The following UBE3B variants were observed in gnomAD, a reference collection of about 807,000 sequenced individuals.
UBE3B encodes the protein ubiquitin-protein ligase E3B.
In UBE3B, 80 loss-of-function variants were observed where a neutral mutation model predicts 132.3. That is an observed-to-expected ratio of 0.60 (90% CI 0.50 to 0.73). The LOEUF is 0.73. UBE3B is among the 30% of genes least tolerant of loss of function. The pLI, the probability that UBE3B is intolerant of heterozygous loss-of-function variation, is 0.00. For missense variants in UBE3B, 1,196 were observed against 1,362.5 expected (o/e 0.88, Z 1.92); for synonymous variants, 487 against 520.4 (o/e 0.94, Z 0.87).
In UBE3B at chr12:109,521,718, T is replaced by A. The variant is rs1339140304; in HGVS notation, c.2364+167T>A. Among the ~76,000 whole-genome samples the A allele has an allele frequency of 6.6e-6, 1 of 152,244 alleles. No individual in the cohort carries two copies. Among genetic ancestry groups the A allele is most frequent in the Non-Finnish European group, 1.5e-5 (1 of 68,036 alleles). ...TGTTGTACACCAGTGCTAGGTACTT[T>A]GCCTGTGGCATCTCATCTCATCCCA... On this transcript the variant is annotated intron_variant, in intron 21 of 27. Coordinates refer to ENST00000342494, the MANE Select transcript of UBE3B (RefSeq NM_130466.4). The surrounding 1 kb of genome is among the most constrained non-coding windows in gnomAD (Gnocchi z 4.2).
At chr12:109,490,047 C>G in intron 8 of UBE3B, 43 bp downstream of exon 8, 2 of 1,568,490 alleles carry the variant, frequency 1.3e-6, no homozygotes, top group Non-Finnish European at 1.8e-6. Context: ...CTCCACTCTC[C>G]AACACCTGCA....
chr12:109,526,324 C>G (rs1267903497), intron 23 of UBE3B, 34 bp from the exon 24 acceptor site: 1 of 1,609,722 alleles, frequency 6.2e-7, no homozygotes, highest in Admixed American at 1.7e-5. Flanking sequence ...CCATTAGAGT[C>G]CTCCCTATTA....
rs539524264 is a variant in UBE3B at position 109,504,643 on chromosome 12, A to C, written c.1450+1453A>C. Among the ~76,000 whole-genome samples the C allele has an allele frequency of 2.0e-5, 3 of 152,232 alleles. No individual in the cohort carries two copies. The South Asian group carries it at 6.2e-4, about 32-fold the overall frequency. The stretch of plus-strand genomic sequence containing the variant: ...GGTGACACTCTGGGAGCATCAGCTG[A>C]GGGATGGAGTGTAAAGCCATGGGCT... On this transcript the variant is annotated intron_variant, in intron 14 of 27. Coordinates refer to ENST00000342494, the MANE Select transcript of UBE3B (RefSeq NM_130466.4).
At chr12:109,525,148 C>T (rs1291619765) in intron 23 of UBE3B, among the ~76,000 whole-genome samples, 2 of 152,182 alleles carry the variant, frequency 1.3e-5, no homozygotes, top group Admixed American at 1.3e-4. Flanking sequence ...CCCTGAGCCA[C>T]ACTTTCCATA....
chr12:109,543,996 G>A, the UBE3B span, among the ~76,000 whole-genome samples: 1 of 152,082 alleles, frequency 6.6e-6, no homozygotes, highest in African/African-American at 2.4e-5. Context: ...AGGGGGTGTC[G>A]GCCTCTGTCT....
Position 109,486,503 on chromosome 12 carries a change from C to G in UBE3B, c.375C>G (p.Asp125Glu). ...ATGTGTCCCTGGCTTGTTCTAAGGA[C>G]CTCACCCTCCTTTGGATTCAACAGA... The part of the protein sequence containing the change: ...VWYVSLACSK[D>E]LTLLWIQQIK... The change falls in exon 6 of 28, where the codon GAC becomes GAG. Residue 125 changes from aspartate (D) to glutamate (E), a missense_variant. Physicochemically the swap from Asp to Glu is conservative, Grantham distance 45 (BLOSUM62 2). Transcript: ENST00000342494. The G allele has an allele frequency of 6.2e-7, 1 of 1,605,544 alleles. No homozygotes were observed. Among genetic ancestry groups the G allele is most frequent in the Admixed American group, 1.7e-5 (1 of 59,374 alleles).
intron 11 of UBE3B, among the ~76,000 whole-genome samples, chr12:109,499,279 T>C (rs750988480): frequency 2.6e-5 from 4 of 152,226 alleles, no homozygotes; most frequent in Non-Finnish European, 4.4e-5. Context: ...TATTAAAATG[T>C]AACACTAACT....
At chr12:109,493,669 A>G (rs796068500) in intron 9 of UBE3B, among the ~76,000 whole-genome samples, 9 of 152,364 alleles carry the variant, frequency 5.9e-5, no homozygotes, top group African/African-American at 2.2e-4. Context: ...TGGTTTCATC[A>G]TATAGGAATA....
At chr12:109,507,388 T>C (rs1165943329) in intron 14 of UBE3B, among the ~76,000 whole-genome samples, 176 bp from the exon 15 acceptor site, 2 of 152,246 alleles carry the variant, frequency 1.3e-5, no homozygotes, top group African/African-American at 4.8e-5. Flanking sequence ...GACTACTGGC[T>C]CTTATCATTG....
At chr12:109,493,391 G>A (rs1473994359) in intron 9 of UBE3B, among the ~76,000 whole-genome samples, 1 of 152,128 alleles carries the variant, frequency 6.6e-6, no homozygotes, top group Non-Finnish European at 1.5e-5. Flanking sequence ...TACCTGTCCA[G>A]CATCCCTCCC....
At chr12:109,516,926 C>T (rs1881140399) in intron 19 of UBE3B, 42 bp downstream of exon 19, 2 of 1,599,208 alleles carry the variant, frequency 1.3e-6, no homozygotes, top group Non-Finnish European at 1.7e-6. Context: ...AGGAAGTGGG[C>T]CCTGCAACAT....
intron 8 of UBE3B, 76 bp downstream of exon 8, chr12:109,490,080 C>T (rs758080209): frequency 2.1e-6 from 3 of 1,400,124 alleles, no homozygotes; most frequent in Non-Finnish European, 3.0e-6. Flanking sequence ...CATTTGCATT[C>T]AGCATACCTG....
In UBE3B at chr12:109,486,031, G is replaced by A. The variant is rs1199490291; in HGVS notation, c.302G>A (p.Arg101His). 2.8e-5 allele frequency: 44 copies of A among 1,554,276 alleles called. No homozygotes were observed. Among genetic ancestry groups the A allele is most frequent in the South Asian group, 4.8e-5 (4 of 84,182 alleles). Reference protein sequence around the residue: ...EDNERFEKLCRSILSSMDAEN... With the variant: ...EDNERFEKLCHSILSSMDAEN... ...TTGCAGAGATTTGAGAAGTTGTGTC[G>A]CAGCATCCTGAGCAGCATGGATGCT... The change falls in exon 5 of 28, where the codon CGC becomes CAC. Residue 101 changes from arginine to histidine, a missense_variant. Transcript: ENST00000342494.
chr12:109,546,051 A>G, the UBE3B span, among the ~76,000 whole-genome samples: 12 of 152,136 alleles, frequency 7.9e-5, no homozygotes, highest in African/African-American at 2.9e-4. Context: ...TCTCCCTACC[A>G]GCTAAGGCAG....
chr12:109,489,347 C>T (rs747227099), intron 7 of UBE3B, among the ~76,000 whole-genome samples: 1 of 152,136 alleles, frequency 6.6e-6, no homozygotes, highest in Non-Finnish European at 1.5e-5. Flanking sequence ...GGAGGCCTTG[C>T]TTGGTCTGGG....
At chr12:109,541,650 A>G (rs1283301188), downstream of UBE3B, among the ~76,000 whole-genome samples, 4 of 152,172 alleles carry the variant, frequency 2.6e-5, no homozygotes, top group African/African-American at 4.8e-5. Flanking sequence ...ACAAATCACA[A>G]CAAGCCGGGT....
chr12:109,495,815 C>T (rs1878126664), intron 9 of UBE3B, among the ~76,000 whole-genome samples: 1 of 152,226 alleles, frequency 6.6e-6, no homozygotes, highest in African/African-American at 2.4e-5. Flanking sequence ...TTAAGAACGC[C>T]TTTAAGCAGT....
chr12:109,501,310 G>A (rs1474421132), intron 12 of UBE3B, 61 bp from the exon 13 acceptor site: 2 of 1,601,590 alleles, frequency 1.2e-6, no homozygotes, highest in Non-Finnish European at 1.7e-6. Context: ...AACTGTGTGG[G>A]CTGGCCCTGG....
chr12:109,481,410 TCAA>T (rs752385010), intron 1 of UBE3B, among the ~76,000 whole-genome samples: 36 of 152,192 alleles, frequency 2.4e-4, no homozygotes, highest in African/African-American at 8.2e-4. Context: ...CAGCTGTAAT[TCAA>T]CAACAACTTT....
Sources: allele counts gnomAD v4.1 joint callset (sites outside exome capture counted in the v4.1 genomes callset), GRCh38; gene constraint gnomAD v4.1.1; non-coding constraint Gnocchi (gnomAD v3.1); transcripts MANE v1.5; gene names NCBI Gene and HGNC (gene_info 2026-07-23, HGNC 2026-07-21).